The following LHFPL3 variants were observed in gnomAD, a reference collection of about 807,000 sequenced individuals.
LHFPL3 encodes the protein LHFPL tetraspan subfamily member 3 protein.
LHFPL3 carries 5 observed loss-of-function variants against 19.3 expected under a neutral mutation model. That is an observed-to-expected ratio of 0.26 (90% CI 0.14 to 0.54). LHFPL3 has a LOEUF of 0.54. Ranked by LOEUF, LHFPL3 falls within the 20% of genes least tolerant of loss-of-function variation. LHFPL3 has a pLI of 0.94. For missense variants in LHFPL3, 249 were observed against 307.4 expected, an observed-to-expected ratio of 0.81 and a Z score of 1.42; for synonymous variants, 133 against 126.2, an observed-to-expected ratio of 1.05 and a Z score of -0.36.
chr7:104,824,948 T>C (rs1052191175), intron 2 of LHFPL3, among the ~76,000 whole-genome samples: 18 of 143,980 alleles, frequency 1.3e-4, no homozygotes, highest in Non-Finnish European at 2.7e-4. Context: ...ATAATGTGTT[T>C]AGGAGCTTTG....
chr7:104,419,444 C>T (rs1354958993), intron 1 of LHFPL3, among the ~76,000 whole-genome samples: 1 of 151,936 alleles, frequency 6.6e-6, no homozygotes, highest in Non-Finnish European at 1.5e-5. Flanking sequence ...AAGACATTGC[C>T]AAGTTAAGTG....
chr7:104,720,404 A>T (rs1461177297), intron 1 of LHFPL3, among the ~76,000 whole-genome samples: 4 of 152,204 alleles, frequency 2.6e-5, no homozygotes, highest in Non-Finnish European at 5.9e-5. Flanking sequence ...GATGGATTAA[A>T]GACTTACATG....
At chr7:104,625,887 T>G (rs1791534741) in intron 1 of LHFPL3, among the ~76,000 whole-genome samples, 1 of 152,330 alleles carries the variant, frequency 6.6e-6, no homozygotes, top group African/African-American at 2.4e-5. Flanking sequence ...ATTGTTCACA[T>G]AGTACTCACA....
chr7:104,886,423 G>T (rs1471712372), intron 2 of LHFPL3, among the ~76,000 whole-genome samples: 5 of 152,096 alleles, frequency 3.3e-5, no homozygotes, highest in Admixed American at 1.3e-4. Context: ...GGAGTGCAGT[G>T]GTGCGATCTC....
At chr7:104,331,334 C>T (rs1345574891) in intron 1 of LHFPL3, among the ~76,000 whole-genome samples, 1 of 152,174 alleles carries the variant, frequency 6.6e-6, no homozygotes, top group Non-Finnish European at 1.5e-5. Context: ...GATGTAAGGA[C>T]ATTTACTTCA....
intron 1 of LHFPL3, among the ~76,000 whole-genome samples, chr7:104,480,919 T>G (rs565404358): frequency 3.9e-5 from 6 of 152,188 alleles, no homozygotes; most frequent in Non-Finnish European, 8.8e-5. Context: ...GAGACTTACC[T>G]GTTTGTGAAA....
intron 2 of LHFPL3, among the ~76,000 whole-genome samples, chr7:104,820,074 T>G (rs1194702179): frequency 6.6e-6 from 1 of 152,174 alleles, no homozygotes; most frequent in Non-Finnish European, 1.5e-5. Flanking sequence ...CCAGGAAAAT[T>G]GAACTCATCA....
chr7:104,676,613 G>A (rs770344481), intron 1 of LHFPL3, among the ~76,000 whole-genome samples: 1 of 152,178 alleles, frequency 6.6e-6, no homozygotes, highest in African/African-American at 2.4e-5. Flanking sequence ...CATATTGGAC[G>A]ATGCAAACCA....
In LHFPL3 at chr7:104,464,628, G is replaced by A. The variant is rs181853735; in HGVS notation, c.445+135404G>A. Reference sequence around the variant, plus strand: ...AGGACTAATAGCATATGGAAGCTGCGAAGGCTTGGGGCTTGCAGTCTCTGA... The same window carrying A: ...AGGACTAATAGCATATGGAAGCTGCAAAGGCTTGGGGCTTGCAGTCTCTGA... On this transcript the variant is annotated intron_variant, in intron 1 of 2. Transcript: ENST00000424859. Among the ~76,000 whole-genome samples, 246 of 152,332 alleles carry A rather than the reference G, an allele frequency of 1.6e-3. 1 individual carries two copies. Among genetic ancestry groups the A allele is most frequent in the African/African-American group, 5.5e-3 (230 of 41,574 alleles).
intron 1 of LHFPL3, among the ~76,000 whole-genome samples, chr7:104,505,562 T>A (rs1382045733): frequency 2.0e-5 from 3 of 152,164 alleles, no homozygotes; most frequent in Non-Finnish European, 4.4e-5. Flanking sequence ...TGAGCATGGA[T>A]GACTGAGTTG....
At chr7:104,584,345 T>C (rs1790521623) in intron 1 of LHFPL3, among the ~76,000 whole-genome samples, 2 of 152,012 alleles carry the variant, frequency 1.3e-5, no homozygotes, top group African/African-American at 4.8e-5. Context: ...CATTAGGAGA[T>C]ATATCTAATG....
chr7:104,839,526 A>G (rs1327427215), intron 2 of LHFPL3, among the ~76,000 whole-genome samples: 6 of 152,038 alleles, frequency 3.9e-5, no homozygotes, highest in Admixed American at 3.9e-4. Flanking sequence ...AAAATTAACC[A>G]GGCAAGGTGG....
chr7:104,852,286 C>T (rs1241342768), intron 2 of LHFPL3, among the ~76,000 whole-genome samples: 1 of 152,208 alleles, frequency 6.6e-6, no homozygotes, highest in Non-Finnish European at 1.5e-5. Flanking sequence ...AAGGAAAATC[C>T]AAAGAGAAGC....
chr7:104,821,031 C>CAA (rs1215942310), intron 2 of LHFPL3, among the ~76,000 whole-genome samples: 1 of 152,128 alleles, frequency 6.6e-6, no homozygotes, highest in Non-Finnish European at 1.5e-5. Context: ...GCCTGCCTCC[C>CAA]AAAGTCACGC....
chr7:104,640,968 G>A (rs1791822378), intron 1 of LHFPL3, among the ~76,000 whole-genome samples: 1 of 152,116 alleles, frequency 6.6e-6, no homozygotes, highest in South Asian at 2.1e-4. Context: ...GATTTTAGAA[G>A]ACTATTTATC....
At chr7:104,343,728 C>CGTGT (rs10687589) in intron 1 of LHFPL3, among the ~76,000 whole-genome samples, 25,604 of 148,756 alleles carry the variant, frequency 0.17, 2,585 homozygotes, top group Admixed American at 0.31. Context: ...GTATGGCTTG[C>CGTGT]GTGTGTGTGT....
chr7:104,893,351 C>G (rs977597824), intron 2 of LHFPL3, among the ~76,000 whole-genome samples: 1 of 150,438 alleles, frequency 6.6e-6, no homozygotes, highest in African/African-American at 2.4e-5. Context: ...TCATCTCTAC[C>G]AAAAATACAA....
intron 2 of LHFPL3, among the ~76,000 whole-genome samples, chr7:104,853,927 C>T (rs1459022926): frequency 6.6e-6 from 1 of 151,864 alleles, no homozygotes; most frequent in African/African-American, 2.4e-5. Flanking sequence ...ATCTGTTTAC[C>T]CACCAGAGAA....
intron 2 of LHFPL3, among the ~76,000 whole-genome samples, chr7:104,838,698 A>G (rs557890824): frequency 2.6e-4 from 39 of 152,346 alleles, no homozygotes; most frequent in Admixed American, 9.2e-4. Flanking sequence ...GTCCAATTTC[A>G]TACCATAGAC....
Sources: allele counts gnomAD v4.1 joint callset (sites outside exome capture counted in the v4.1 genomes callset), GRCh38; gene constraint gnomAD v4.1.1; transcripts MANE v1.5; gene names NCBI Gene and HGNC (gene_info 2026-07-23, HGNC 2026-07-21).